The following MEIS2 variants were observed in gnomAD, a reference collection of about 807,000 sequenced individuals.
The protein encoded by MEIS2 is homeobox protein Meis2.
A neutral mutation model predicts 58.6 loss-of-function variants in MEIS2; 9 were observed. That is an observed-to-expected ratio of 0.15 (90% CI 0.09 to 0.27). The LOEUF is 0.27. MEIS2 is among the 10% of genes least tolerant of loss of function. MEIS2 has a pLI of 1.00. For synonymous variants in MEIS2, 221 were observed against 228.4 expected (o/e 0.97, Z 0.29); for missense variants, 427 against 635.0 (o/e 0.67, Z 3.52).
chr15:36,929,013 A>C (rs2057862011), intron 9 of MEIS2, among the ~76,000 whole-genome samples: 1 of 152,248 alleles, frequency 6.6e-6, no homozygotes, highest in Non-Finnish European at 1.5e-5. Context: ...CATTATAAAC[A>C]TTTTAAATAA....
chr15:36,956,021 CAAAAAAAA>C (rs757524401), intron 8 of MEIS2, among the ~76,000 whole-genome samples: 13 of 46,602 alleles, frequency 2.8e-4, no homozygotes, highest in South Asian at 1.2e-3. Flanking sequence ...ACTAAAAATA[CAAAAAAAA>C]AAAAAAAAAA....
intron 8 of MEIS2, among the ~76,000 whole-genome samples, chr15:36,972,554 G>T (rs2059605002): frequency 6.6e-6 from 1 of 152,112 alleles, no homozygotes; most frequent in South Asian, 2.1e-4. Flanking sequence ...ACCGCACCTG[G>T]CCAATAGAAA....
chr15:37,096,156 G>T, intron 3 of MEIS2, 133 bp downstream of exon 3: 3 of 958,180 alleles, frequency 3.1e-6, no homozygotes, highest in Non-Finnish European at 4.6e-6. Context: ...ATGGGGAGGA[G>T]GCGTAGAGAG....
At chr15:36,994,907 G>A (rs1268686945) in intron 8 of MEIS2, among the ~76,000 whole-genome samples, 1 of 152,182 alleles carries the variant, frequency 6.6e-6, no homozygotes, top group Non-Finnish European at 1.5e-5. Flanking sequence ...TGAAATTACA[G>A]GATCAGTCTA....
chr15:36,972,215 T>C (rs1413925697), intron 8 of MEIS2, among the ~76,000 whole-genome samples: 1 of 152,090 alleles, frequency 6.6e-6, no homozygotes, highest in Non-Finnish European at 1.5e-5. Context: ...TATGATAAGA[T>C]GTAGTAGGAA....
chr15:36,918,649 T>G (rs1341478884), intron 9 of MEIS2, among the ~76,000 whole-genome samples: 1 of 152,050 alleles, frequency 6.6e-6, no homozygotes, highest in African/African-American at 2.4e-5. Flanking sequence ...GCCATGGGTG[T>G]GCAGAAAAGG....
intron 3 of MEIS2, chr15:37,096,084 G>C: frequency 1.8e-6 from 1 of 553,132 alleles, no homozygotes; most frequent in South Asian, 2.8e-5. Flanking sequence ...CTGTATTCCT[G>C]CTGGGGGGGA....
At chr15:36,902,326 C>T (rs1038941783) in intron 9 of MEIS2, among the ~76,000 whole-genome samples, 13 of 152,288 alleles carry the variant, frequency 8.5e-5, no homozygotes, top group East Asian at 1.9e-4. Flanking sequence ...TTCATATCGC[C>T]GGATCTTTCT....
intron 8 of MEIS2, among the ~76,000 whole-genome samples, chr15:37,018,116 T>C (rs1309493755): frequency 1.3e-5 from 2 of 152,182 alleles, no homozygotes. Flanking sequence ...GTTAAATAAC[T>C]TGTGCAAGAC....
chr15:37,062,418 A>G (rs1236970678), intron 7 of MEIS2, among the ~76,000 whole-genome samples: 2 of 152,228 alleles, frequency 1.3e-5, no homozygotes, highest in Non-Finnish European at 2.9e-5. Context: ...AGAAATCAAT[A>G]AAGTTTTAGT....
intron 9 of MEIS2, among the ~76,000 whole-genome samples, chr15:36,932,438 T>C (rs1368802226): frequency 6.6e-6 from 1 of 152,232 alleles, no homozygotes; most frequent in Non-Finnish European, 1.5e-5. Flanking sequence ...AACCATCTGT[T>C]GCCATTTTAA....
chr15:36,969,918 A>G (rs998876991), intron 8 of MEIS2, among the ~76,000 whole-genome samples: 1 of 152,084 alleles, frequency 6.6e-6, no homozygotes, highest in African/African-American at 2.4e-5. Flanking sequence ...TTTCGCAAAA[A>G]AAGTACAGAT....
At chr15:37,096,574 C>A in intron 2 of MEIS2, 144 bp from the exon 3 acceptor site, 1 of 998,880 alleles carries the variant, frequency 1.0e-6, no homozygotes, top group African/African-American at 1.6e-5. Context: ...ACCCTTCCTC[C>A]ATCAGGCGAG....
intron 11 of MEIS2, 62 bp from the exon 12 acceptor site, chr15:36,892,521 A>T (rs1261586898): frequency 3.8e-6 from 5 of 1,303,792 alleles, no homozygotes; most frequent in Non-Finnish European, 4.2e-6. Flanking sequence ...TACTTTACCC[A>T]TCAAAGATGA....
Position 37,042,498 on chromosome 15 carries a change from T to C in MEIS2, c.755-5539A>G, listed in dbSNP as rs540033878. Among the ~76,000 whole-genome samples, 12 of 152,308 alleles carry C rather than the reference T, an allele frequency of 7.9e-5. 1 individual carries two copies. The South Asian group carries it at 1.9e-3, about 24-fold the overall frequency. The stretch of plus-strand genomic sequence containing the variant: ...ACAGCTACACATGGTCAAGGATAAA[T>C]TGGAGTCCAGGCATGGCAACTTCAA... On this transcript the variant is annotated intron_variant, in intron 7 of 11. Transcript: ENST00000561208.
chr15:37,063,266 G>A (rs1889473850), intron 7 of MEIS2, among the ~76,000 whole-genome samples: 1 of 152,156 alleles, frequency 6.6e-6, no homozygotes, highest in Non-Finnish European at 1.5e-5. Context: ...TCTGGCCTCA[G>A]GTGATCTTCC....
rs1220292938 is a variant in MEIS2 at position 36,891,972 on chromosome 15, A to G, written c.*201T>C. 8 of 621,670 alleles carry G rather than the reference A, an allele frequency of 1.3e-5. No individual in the cohort carries two copies. Among genetic ancestry groups the G allele is most frequent in the Non-Finnish European group, 2.3e-5 (8 of 354,062 alleles). The allele number at this position is 621,670 out of a possible 1,614,324, so 38.5% of individuals were successfully genotyped here. On this transcript the variant is annotated 3_prime_UTR_variant, in exon 12 of 12. Transcript: ENST00000561208. ...CTTTTTCCAGAGGATCTTTACATGG[A>G]CAGAATTGTCTCAGTCAGCCCATGA...
intron 9 of MEIS2, among the ~76,000 whole-genome samples, chr15:36,927,218 G>GC (rs1013092558): frequency 3.9e-5 from 6 of 152,140 alleles, no homozygotes; most frequent in Non-Finnish European, 7.3e-5. Context: ...TGAGAGGCTA[G>GC]CCCCCCTGAA....
intron 8 of MEIS2, among the ~76,000 whole-genome samples, chr15:37,030,429 CG>C: frequency 6.6e-6 from 1 of 151,986 alleles, no homozygotes; most frequent in South Asian, 2.1e-4. Flanking sequence ...CTCTACCTCC[CG>C]GGCTCAAGCA....
Sources: gnomAD v4.1 joint callset for allele counts (sites outside exome capture counted in the v4.1 genomes callset) on GRCh38, gnomAD v4.1.1 for gene constraint, MANE v1.5 for transcripts, NCBI Gene and HGNC (gene_info 2026-07-23, HGNC 2026-07-21) for gene names.